SYNE1: variants seen among roughly 807,000 people sequenced by gnomAD.
SYNE1 encodes spectrin repeat containing nuclear envelope protein 1.
A neutral mutation model predicts 1,111.0 loss-of-function variants in SYNE1; 616 were observed. The ratio of observed to expected loss-of-function variants is 0.55; its 90% confidence interval spans 0.52 to 0.59. SYNE1 has a LOEUF of 0.59. Among genes scored for constraint, SYNE1 ranks in the 20% least tolerant of loss-of-function variants. The pLI, the probability that SYNE1 is intolerant of heterozygous loss-of-function variation, is 0.00. For missense variants in SYNE1, 10,006 were observed against 10,417.0 expected (o/e 0.96, Z 1.72); for synonymous variants, 3,855 against 3,825.8 (o/e 1.01, Z -0.28).
intron 14 of SYNE1, 90 bp downstream of exon 14, chr6:152,482,995 C>T (rs147027630): frequency 9.9e-6 from 14 of 1,409,648 alleles, no homozygotes; most frequent in Admixed American, 8.4e-5. Context: ...ATATTTGGGG[C>T]GTCCCCGCCA....
intron 11 of SYNE1, among the ~76,000 whole-genome samples, chr6:152,491,245 T>C (rs902209904): frequency 6.6e-6 from 1 of 151,878 alleles, no homozygotes; most frequent in Non-Finnish European, 1.5e-5. Context: ...TGCCTGATTA[T>C]TCACCCACAT....
chr6:152,314,121 C>T (rs1284253966), intron 87 of SYNE1, among the ~76,000 whole-genome samples: 1 of 152,172 alleles, frequency 6.6e-6, no homozygotes, highest in Non-Finnish European at 1.5e-5. Flanking sequence ...TTTATATTGT[C>T]TTACTGTCCT....
chr6:152,428,509 A>C, intron 36 of SYNE1, 117 bp from the exon 37 acceptor site: 1 of 938,490 alleles, frequency 1.1e-6, no homozygotes, highest in Non-Finnish European at 1.7e-6. Flanking sequence ...CAGGAATAGC[A>C]CTAAGAATGG....
chr6:152,124,694 G>GA (rs11305825), intron 145 of SYNE1, among the ~76,000 whole-genome samples: 3 of 151,780 alleles, frequency 2.0e-5, no homozygotes, highest in Non-Finnish European at 4.4e-5. Context: ...TAAGCTGAGG[G>GA]AAAAAAAAAG....
At position 152,373,187 on chromosome 6, in the gene SYNE1, G is replaced by A. The variant is rs940877850; in HGVS notation, c.9357C>T (p.His3119=). 1.2e-6 allele frequency: 2 copies of A among 1,613,060 alleles called. No homozygotes were observed. The highest frequency in any genetic ancestry group is 3.3e-5 in the Admixed American group (2 of 59,906). The part of the protein sequence containing the change: ...EFLSESENGQ[H]KLNMMLSKGE... The stretch of plus-strand genomic sequence containing the variant: ...CTTTAGACAGCATCATGTTTAGCTT[G>A]TGCTGTCCATTTTCACTTTCTGACA... Residue 3119 remains histidine (H), a synonymous_variant, in exon 59 of 146, where the codon CAC becomes CAT. Coordinates refer to ENST00000367255, the MANE Select transcript of SYNE1 (RefSeq NM_182961.4).
At chr6:152,210,898 G>A (rs1018310308) in intron 124 of SYNE1, among the ~76,000 whole-genome samples, 2 of 152,120 alleles carry the variant, frequency 1.3e-5, no homozygotes, top group Non-Finnish European at 1.5e-5. Flanking sequence ...GATTTCAGGC[G>A]GCATGTAATC....
intron 32 of SYNE1, among the ~76,000 whole-genome samples, chr6:152,438,603 A>T (rs1169887306): frequency 1.3e-5 from 2 of 152,186 alleles, no homozygotes; most frequent in African/African-American, 2.4e-5. Context: ...TCATTAGCTG[A>T]GTGACCTTTG....
At position 152,558,976 on chromosome 6, in the gene SYNE1, T is replaced by A. The variant is rs1376351512; in HGVS notation, c.68-18955A>T. The stretch of plus-strand genomic sequence containing the variant: ...CAAAACAAGTCTTAACATATTTAAT[T>A]TTTATTTATTTATTTATTTATTTAT... On this transcript the variant is annotated intron_variant, in intron 3 of 145. Coordinates refer to ENST00000367255, the MANE Select transcript of SYNE1 (RefSeq NM_182961.4). Among the ~76,000 whole-genome samples the A allele has an allele frequency of 3.6e-5, 5 of 139,990 alleles. No homozygotes were observed. In the South Asian group the frequency reaches 9.0e-4, roughly 25 times the overall value. The allele number at this position is 139,990 out of a possible 152,430, so 91.8% of individuals were successfully genotyped here. A position where few individuals can be genotyped will look rare whatever the true frequency, so the allele number is the denominator to read the frequency against.
In SYNE1 at chr6:152,495,371, G is replaced by A. The variant is rs139561244; in HGVS notation, c.939+3371C>T. On this transcript the variant is annotated intron_variant, in intron 11 of 145. Coordinates refer to ENST00000367255, the MANE Select transcript of SYNE1 (RefSeq NM_182961.4). The stretch of plus-strand genomic sequence containing the variant: ...ACATAATTCCTCAATTTAGCCTCCC[G>A]CTCTACCCAGTTGTCCCATCAATCC... 2.6e-3 allele frequency among the ~76,000 whole-genome samples: 396 copies of A among 152,174 alleles called. 3 individuals are homozygous for A. Among genetic ancestry groups the A allele is most frequent in the African/African-American group, 9.1e-3 (376 of 41,510 alleles).
intron 17 of SYNE1, 91 bp downstream of exon 17, chr6:152,465,891 G>T: frequency 2.1e-6 from 2 of 964,610 alleles, no homozygotes; most frequent in Admixed American, 1.8e-5. Flanking sequence ...AAAATTCCAC[G>T]GACAGAAAGA....
chr6:152,434,493 C>T (rs215006), intron 33 of SYNE1: 39,430 of 152,722 alleles, frequency 0.26, 5,458 homozygotes, highest in East Asian at 0.38. Context: ...GCTAATCCTG[C>T]GATGTATAAT....
At chr6:152,249,682 C>T (rs1372428189) in intron 104 of SYNE1, among the ~76,000 whole-genome samples, 1 of 152,066 alleles carries the variant, frequency 6.6e-6, no homozygotes, top group Admixed American at 6.5e-5. Flanking sequence ...CCATTTTGCT[C>T]TCTCCTCTTC....
chr6:152,501,131 T>A (rs963192735), intron 10 of SYNE1, among the ~76,000 whole-genome samples: 3 of 152,114 alleles, frequency 2.0e-5, no homozygotes, highest in African/African-American at 7.2e-5. Context: ...CTTATAATTA[T>A]TTTTTTCAGG....
intron 130 of SYNE1, among the ~76,000 whole-genome samples, chr6:152,172,024 T>G (rs1380772291): frequency 6.6e-6 from 1 of 152,212 alleles, no homozygotes; most frequent in African/African-American, 2.4e-5. Context: ...CTACAAAATG[T>G]TGAGGCAATT....
At chr6:152,326,190 C>A in intron 79 of SYNE1, 88 bp from the exon 80 acceptor site, 1 of 1,612,282 alleles carries the variant, frequency 6.2e-7, no homozygotes, top group South Asian at 1.1e-5. Context: ...TAATGATACT[C>A]AGGGAAAAAT....
At chr6:152,403,314 G>T (rs1186626945) in intron 46 of SYNE1, among the ~76,000 whole-genome samples, 3 of 152,160 alleles carry the variant, frequency 2.0e-5, no homozygotes, top group African/African-American at 7.2e-5. Context: ...GGTTCCCGTG[G>T]ATTTGTGCCA....
At chr6:152,611,919 G>C (rs768454769) in intron 3 of SYNE1, among the ~76,000 whole-genome samples, 38 of 151,610 alleles carry the variant, frequency 2.5e-4, no homozygotes, top group Admixed American at 4.6e-4. Flanking sequence ...ACAAAATGAA[G>C]GCAGAAATAA....
chr6:152,412,257 T>C (rs926976753), intron 42 of SYNE1, among the ~76,000 whole-genome samples: 1 of 151,302 alleles, frequency 6.6e-6, no homozygotes, highest in African/African-American at 2.4e-5. Context: ...CCATCTCTAC[T>C]AAAAATACAA....
intron 73 of SYNE1, among the ~76,000 whole-genome samples, chr6:152,344,644 A>G (rs2154020179): frequency 6.6e-6 from 1 of 152,362 alleles, no homozygotes; most frequent in South Asian, 2.1e-4. Context: ...GATCTCAAAA[A>G]AAGATAACCA....
Sources: allele counts gnomAD v4.1 joint callset (sites outside exome capture counted in the v4.1 genomes callset), GRCh38; gene constraint gnomAD v4.1.1; transcripts MANE v1.5; gene names NCBI Gene and HGNC (gene_info 2026-07-23, HGNC 2026-07-21).